CCDC146: variants seen among roughly 807,000 people sequenced by gnomAD.
CCDC146 encodes coiled-coil domain containing 146, also known as coiled-coil domain-containing protein 146.
Under a neutral mutation model 119.3 loss-of-function variants are expected in CCDC146, and 92 were observed. That is an observed-to-expected ratio of 0.77 (90% CI 0.65 to 0.92). The LOEUF (loss-of-function observed/expected upper bound fraction) is 0.92. CCDC146 is among the 40% of genes least tolerant of loss of function. CCDC146 has a pLI of 0.00. For synonymous variants in CCDC146, 372 were observed against 371.8 expected (o/e 1.00, Z -0.01); for missense variants, 1,000 against 1,103.0 (o/e 0.91, Z 1.32).
intron 9 of CCDC146, among the ~76,000 whole-genome samples, chr7:77,265,045 A>G (rs57334788): frequency 0.093 from 14,115 of 152,206 alleles, 1,215 homozygotes; most frequent in East Asian, 0.42. Context: ...CAACTTTCCA[A>G]GTTATTCTTG....
intron 15 of CCDC146, among the ~76,000 whole-genome samples, chr7:77,283,454 T>C (rs944934524): frequency 6.6e-6 from 1 of 152,238 alleles, no homozygotes; most frequent in African/African-American, 2.4e-5. Context: ...AGCCTAAACT[T>C]GTTCCCATTG....
chr7:77,175,545 C>T (rs967705104), intron 2 of CCDC146, among the ~76,000 whole-genome samples: 8 of 150,968 alleles, frequency 5.3e-5, no homozygotes, highest in African/African-American at 2.0e-4. Context: ...GACCTTTTCA[C>T]GAAAACAAGT....
chr7:77,224,577 C>T (rs745554658), intron 2 of CCDC146, among the ~76,000 whole-genome samples: 10 of 152,216 alleles, frequency 6.6e-5, no homozygotes, highest in Non-Finnish European at 1.5e-4. Context: ...AGGACATGCA[C>T]ATCCTGGGGG....
At chr7:77,223,835 T>TGG (rs200498245) in intron 2 of CCDC146, among the ~76,000 whole-genome samples, 1 of 152,134 alleles carries the variant, frequency 6.6e-6, no homozygotes, top group African/African-American at 2.4e-5. Flanking sequence ...CACAGTCTAA[T>TGG]GGGGGGGTAA....
At chr7:77,285,697 T>C (rs1793835506) in intron 15 of CCDC146, among the ~76,000 whole-genome samples, 1 of 152,238 alleles carries the variant, frequency 6.6e-6, no homozygotes, top group African/African-American at 2.4e-5. Flanking sequence ...CCATGCTCCG[T>C]ATCTCTCTCC....
rs138374309 is a variant in CCDC146, at chr7:77,222,938, A to G, written c.157-14009A>G. Among the ~76,000 whole-genome samples the G allele has an allele frequency of 5.3e-5, 8 of 152,262 alleles. 1 individual carries two copies. In the East Asian group the frequency reaches 1.5e-3, roughly 29 times the overall value. ...CTTCTGGTTAATGTTTTGTGACTTT[A>G]TTCTAGTGGTTTTATCCTGGCTCTG... is the stretch of plus-strand genomic sequence containing the variant. On this transcript the variant is annotated intron_variant, in intron 2 of 18. Coordinates refer to ENST00000285871, the MANE Select transcript of CCDC146 (RefSeq NM_020879.3).
intron 3 of CCDC146, among the ~76,000 whole-genome samples, chr7:77,238,223 C>G (rs182534855): frequency 5.0e-3 from 767 of 152,242 alleles, no homozygotes; most frequent in Non-Finnish European, 9.0e-3. Flanking sequence ...TCCCCCGTAG[C>G]TGGTCACGCC....
intron 11 of CCDC146, among the ~76,000 whole-genome samples, chr7:77,275,165 G>C (rs1793609747): frequency 6.6e-6 from 1 of 151,480 alleles, no homozygotes; most frequent in South Asian, 2.1e-4. Context: ...ACCAAATGCA[G>C]ATCAAAAGTA....
chr7:77,267,061 G>A (rs925166132), intron 9 of CCDC146, among the ~76,000 whole-genome samples: 37 of 149,618 alleles, frequency 2.5e-4, no homozygotes, highest in East Asian at 1.9e-4. Flanking sequence ...GCACCGTGTC[G>A]GTTCACTGCA....
At chr7:77,219,926 CAG>C (rs751900025) in intron 2 of CCDC146, among the ~76,000 whole-genome samples, 7 of 152,070 alleles carry the variant, frequency 4.6e-5, no homozygotes, top group Non-Finnish European at 8.8e-5. Context: ...GGCAGAGAGG[CAG>C]AGAGAGATCA....
rs190525852 is a variant in CCDC146 at position 77,278,823 on chromosome 7, A to G, written c.1512A>G (p.Lys504=). 95 of 1,612,460 alleles carry G rather than the reference A, an allele frequency of 5.9e-5. No individual in the cohort carries two copies. In the African/African-American group the frequency reaches 1.1e-3, roughly 19 times the overall value. ...AAATCAGGATACACAAGAAGAAAAA[A>G]TGTGAAATTTATCGGAGGTAAAGTA... is the stretch of plus-strand genomic sequence containing the variant. ...DLEIRIHKKK[K]CEIYRRLREF... The change falls in exon 12 of 19, where the codon AAA becomes AAG. Residue 504 remains lysine, a synonymous_variant. Transcript: ENST00000285871.
chr7:77,238,961 C>A (rs1792792782), intron 3 of CCDC146, among the ~76,000 whole-genome samples: 1 of 152,120 alleles, frequency 6.6e-6, no homozygotes, highest in Non-Finnish European at 1.5e-5. Context: ...ACTCACCATT[C>A]TCTCCTACTC....
intron 1 of CCDC146, among the ~76,000 whole-genome samples, chr7:77,138,425 G>T (rs1790889404): frequency 6.6e-6 from 1 of 151,822 alleles, no homozygotes; most frequent in Admixed American, 6.6e-5. Context: ...GCAAAACTAT[G>T]AAACTTCTAG....
chr7:77,213,403 T>G (rs888127716), intron 2 of CCDC146, among the ~76,000 whole-genome samples: 1 of 152,206 alleles, frequency 6.6e-6, no homozygotes, highest in Non-Finnish European at 1.5e-5. Flanking sequence ...CATAGTGATG[T>G]TTTGATACTT....
chr7:77,198,164 A>G, intron 2 of CCDC146: 1 of 985,460 alleles, frequency 1.0e-6, no homozygotes, highest in South Asian at 4.7e-5. Context: ...AGGTACATTC[A>G]GATGCAGGCT....
chr7:77,177,185 C>A (rs1471719953), intron 2 of CCDC146, among the ~76,000 whole-genome samples: 1 of 152,072 alleles, frequency 6.6e-6, no homozygotes, highest in Non-Finnish European at 1.5e-5. Flanking sequence ...GCTGACGCTA[C>A]TAAAGCTTCA....
chr7:77,138,137 A>C (rs2117410143), intron 1 of CCDC146, among the ~76,000 whole-genome samples: 1 of 152,170 alleles, frequency 6.6e-6, no homozygotes, highest in East Asian at 1.9e-4. Flanking sequence ...TGGTACTGGC[A>C]AAAGAGTGGA....
intron 1 of CCDC146, among the ~76,000 whole-genome samples, chr7:77,160,759 A>G (rs893311236): frequency 1.3e-5 from 2 of 152,140 alleles, no homozygotes; most frequent in Non-Finnish European, 2.9e-5. Context: ...AATACCCTTT[A>G]TTTCCTTCTC....
chr7:77,145,906 T>C (rs553170644), intron 1 of CCDC146, among the ~76,000 whole-genome samples: 49 of 152,268 alleles, frequency 3.2e-4, no homozygotes, highest in Middle Eastern at 6.8e-3. Context: ...TGATTCTGGG[T>C]GGAGAGTTCT....
Sources: gnomAD v4.1 joint callset for allele counts (sites outside exome capture counted in the v4.1 genomes callset) on GRCh38, gnomAD v4.1.1 for gene constraint, MANE v1.5 for transcripts, NCBI Gene and HGNC (gene_info 2026-07-23, HGNC 2026-07-21) for gene names.